Variants in ACTR2 observed in about 807,000 individuals in gnomAD.
The protein encoded by ACTR2 is actin-related protein 2.
ACTR2 carries 5 observed loss-of-function variants against 50.2 expected under a neutral mutation model. That is an observed-to-expected ratio of 0.10 (90% CI 0.05 to 0.21). The LOEUF (loss-of-function observed/expected upper bound fraction) is 0.21. Among genes scored for constraint, ACTR2 ranks in the 10% least tolerant of loss-of-function variants. ACTR2 has a pLI of 1.00. For missense variants in ACTR2, 180 were observed against 480.6 expected (o/e 0.37, Z 5.85); for synonymous variants, 140 against 162.9 (o/e 0.86, Z 1.07).
rs558158403 is a variant in ACTR2, at chr2:65,237,683, T to G, written c.49-2169T>G. 9.4e-4 allele frequency among the ~76,000 whole-genome samples: 143 copies of G among 152,198 alleles called. 2 individuals are homozygous for G. The highest frequency in any genetic ancestry group is 1.5e-3 in the Non-Finnish European group (103 of 68,014). On this transcript the variant is annotated intron_variant, in intron 1 of 8. Transcript: ENST00000260641. ...CCGTGCAACATAGTGAGACCCCATC[T>G]CTACAAAAAATTTTAAAACTTACGC... is the stretch of plus-strand genomic sequence containing the variant.
chr2:65,244,757 G>C (rs988766104), intron 2 of ACTR2, among the ~76,000 whole-genome samples: 2 of 151,982 alleles, frequency 1.3e-5, no homozygotes, highest in African/African-American at 4.8e-5. Context: ...AGACCAGCCT[G>C]GGCAACATGG....
Position 65,267,862 on chromosome 2 carries a change from C to CTTTTTTTTTTTTTTTTTTTTT in ACTR2, c.1015-694_1015-674dup, listed in dbSNP as rs70943640. Among the ~76,000 whole-genome samples the CTTTTTTTTTTTTTTTTTTTTT allele has an allele frequency of 4.4e-4, 21 of 47,414 alleles. 2 individuals carry two copies. The highest frequency in any genetic ancestry group is 1.2e-3 in the South Asian group (1 of 850). The allele number at this position is 47,414 out of a possible 152,430, so 31.1% of individuals were successfully genotyped here. ...ACCTTGAAGAAGTCATGCAAGTCCT[C>CTTTTTTTTTTTTTTTTTTTTT]TTTTTTTTTTTTTTTTTTTTTTTTT... On this transcript the variant is annotated intron_variant, in intron 8 of 8. Transcript: ENST00000260641.
intron 4 of ACTR2, among the ~76,000 whole-genome samples, chr2:65,251,433 C>T (rs1038094724): frequency 6.6e-6 from 1 of 152,180 alleles, no homozygotes; most frequent in African/African-American, 2.4e-5. Flanking sequence ...GCAATCTTGG[C>T]TTACCACAAC....
At chr2:65,253,644 T>G (rs1672095859) in intron 4 of ACTR2, 84 bp from the exon 5 acceptor site, 1 of 1,402,970 alleles carries the variant, frequency 7.1e-7, no homozygotes, top group Admixed American at 2.2e-5. Flanking sequence ...GTTTCTGTTT[T>G]GGCTTCCCTA....
intron 7 of ACTR2, among the ~76,000 whole-genome samples, chr2:65,264,237 C>T (rs140726157): frequency 2.0e-5 from 3 of 152,266 alleles, no homozygotes; most frequent in African/African-American, 7.2e-5. Context: ...GTACTTATCA[C>T]ATGAATCTGT....
chr2:65,237,062 A>C (rs1671753159), intron 1 of ACTR2, among the ~76,000 whole-genome samples: 1 of 152,200 alleles, frequency 6.6e-6, no homozygotes, highest in Non-Finnish European at 1.5e-5. Context: ...TTGATCATTT[A>C]CTGTGTACCT....
Position 65,254,852 on chromosome 2 carries a change from T to C in ACTR2, c.586-693T>C, listed in dbSNP as rs1672117912. 3.9e-5 allele frequency among the ~76,000 whole-genome samples: 6 copies of C among 152,216 alleles called. No individual in the cohort carries two copies. In the South Asian group the frequency reaches 1.2e-3, roughly 31 times the overall value. On this transcript the variant is annotated intron_variant, in intron 5 of 8. Coordinates refer to ENST00000260641, the MANE Select transcript of ACTR2 (RefSeq NM_005722.4). ...GGGGAGATTAAATTAATGAGAATTA[T>C]AATACTCTCATTTTAGGCCAAAATT...
At position 65,267,993 on chromosome 2, in the gene ACTR2, T is replaced by C. The variant is rs532115449; in HGVS notation, c.1015-571T>C. On this transcript the variant is annotated intron_variant, in intron 8 of 8. Transcript: ENST00000260641. The stretch of plus-strand genomic sequence containing the variant: ...CTGGGACTACAGGCACCCACTACCA[T>C]GCCCGGCTAATTTTTTTGTATTTTT... Among the ~76,000 whole-genome samples the C allele has an allele frequency of 4.9e-3, 719 of 146,630 alleles. 4 individuals are homozygous for C. The highest frequency in any genetic ancestry group is 0.015 in the African/African-American group (588 of 39,872).
chr2:65,251,129 A>G, intron 4 of ACTR2, 30 bp downstream of exon 4: 1 of 1,460,640 alleles, frequency 6.8e-7, no homozygotes, highest in Non-Finnish European at 9.4e-7. Flanking sequence ...TAGAAAAAAC[A>G]CTTCATCAAA....
intron 2 of ACTR2, among the ~76,000 whole-genome samples, chr2:65,242,332 GTTATAA>G (rs142962959): frequency 0.011 from 1,626 of 152,178 alleles, 36 homozygotes; most frequent in African/African-American, 0.037. Flanking sequence ...GTAGATGAAT[GTTATAA>G]TTAAAATGGA....
chr2:65,247,346 T>G (rs572768887), intron 3 of ACTR2, among the ~76,000 whole-genome samples: 1 of 152,194 alleles, frequency 6.6e-6, no homozygotes, highest in African/African-American at 2.4e-5. Flanking sequence ...CTCAGCACTT[T>G]GGGAGGCGGA....
intron 8 of ACTR2, among the ~76,000 whole-genome samples, chr2:65,265,708 G>T (rs1672357062): frequency 6.6e-6 from 1 of 152,190 alleles, no homozygotes. Context: ...ACAGTAGAAA[G>T]AAATTTTTAA....
intron 1 of ACTR2, among the ~76,000 whole-genome samples, chr2:65,234,069 C>G (rs1671688935): frequency 6.6e-6 from 1 of 152,014 alleles, no homozygotes; most frequent in Admixed American, 6.6e-5. Flanking sequence ...TGTCACCACG[C>G]CTGGCTAATT....
chr2:65,244,852 G>A (rs1231166056), intron 2 of ACTR2, among the ~76,000 whole-genome samples: 1 of 149,896 alleles, frequency 6.7e-6, no homozygotes, highest in Admixed American at 6.7e-5. Flanking sequence ...AAGGTGGGAG[G>A]ATCACCTGAG....
At chr2:65,230,351 T>G (rs1671611706) in intron 1 of ACTR2, among the ~76,000 whole-genome samples, 2 of 151,808 alleles carry the variant, frequency 1.3e-5, no homozygotes, top group Non-Finnish European at 2.9e-5. Flanking sequence ...GTATTTGTAG[T>G]ATATATGAGT....
intron 6 of ACTR2, among the ~76,000 whole-genome samples, chr2:65,258,356 A>C (rs1310451965): frequency 6.6e-6 from 1 of 152,122 alleles, no homozygotes; most frequent in Non-Finnish European, 1.5e-5. Flanking sequence ...TACGAGGATC[A>C]CTTGAGGCCA....
At chr2:65,239,198 T>C (rs1023342619) in intron 1 of ACTR2, among the ~76,000 whole-genome samples, 7 of 151,958 alleles carry the variant, frequency 4.6e-5, no homozygotes, top group African/African-American at 1.4e-4. Context: ...CTCACGCCTG[T>C]AATCCCAGCA....
chr2:65,233,775 C>A (rs979101562), intron 1 of ACTR2, among the ~76,000 whole-genome samples: 1 of 151,942 alleles, frequency 6.6e-6, no homozygotes, highest in East Asian at 1.9e-4. Context: ...CCACGCCCAG[C>A]CAATTTTGTA....
At chr2:65,265,224 A>G in intron 8 of ACTR2, 49 bp downstream of exon 8, 1 of 1,607,836 alleles carries the variant, frequency 6.2e-7, no homozygotes, top group South Asian at 1.1e-5. Context: ...AAAAGGCTAT[A>G]CAGTAGTTTG....
Sources: gnomAD v4.1 joint callset for allele counts (sites outside exome capture counted in the v4.1 genomes callset) on GRCh38, gnomAD v4.1.1 for gene constraint, MANE v1.5 for transcripts, NCBI Gene and HGNC (gene_info 2026-07-23, HGNC 2026-07-21) for gene names.